The following PTPN3 variants were observed in gnomAD, a reference collection of about 807,000 sequenced individuals.
PTPN3 encodes protein tyrosine phosphatase non-receptor type 3, also known as tyrosine-protein phosphatase non-receptor type 3.
PTPN3 carries 96 observed loss-of-function variants against 132.7 expected under a neutral mutation model. That is an observed-to-expected ratio of 0.72 (90% confidence interval 0.61 to 0.86). The LOEUF is 0.86. Ranked by LOEUF, PTPN3 falls within the 40% of genes least tolerant of loss-of-function variation. The pLI is 0.00. For synonymous variants in PTPN3, 398 were observed against 429.0 expected (o/e 0.93, Z 0.89); for missense variants, 1,125 against 1,159.6 (o/e 0.97, Z 0.43).
the PTPN3 span, among the ~76,000 whole-genome samples, chr9:109,510,497 G>T: frequency 6.7e-6 from 1 of 148,354 alleles, no homozygotes; most frequent in African/African-American, 2.5e-5. Flanking sequence ...GGCAGAGGTT[G>T]CATTGAGCCG....
the PTPN3 span, among the ~76,000 whole-genome samples, chr9:109,525,621 C>T: frequency 6.6e-6 from 1 of 152,194 alleles, no homozygotes; most frequent in African/African-American, 2.4e-5. Context: ...GAATCTTGGC[C>T]TGCCACTCTC....
chr9:109,526,984 T>C, the PTPN3 span, among the ~76,000 whole-genome samples: 143 of 152,266 alleles, frequency 9.4e-4, no homozygotes, highest in African/African-American at 3.3e-3. Flanking sequence ...AAGCTAGATC[T>C]TTCATACCAT....
At chr9:109,530,398 TTTCC>T in the PTPN3 span, among the ~76,000 whole-genome samples, 10 of 152,194 alleles carry the variant, frequency 6.6e-5, no homozygotes, top group African/African-American at 2.4e-4. Context: ...TGTGTCAGAA[TTTCC>T]TTCCTTTTTA....
At chr9:109,390,677 G>A (rs1839996799) in intron 21 of PTPN3, among the ~76,000 whole-genome samples, 1 of 152,126 alleles carries the variant, frequency 6.6e-6, no homozygotes, top group Admixed American at 6.5e-5. Context: ...CGTTTTTAGA[G>A]AGAAAATAAG....
At chr9:109,496,529 TG>T (rs1847676588) in intron 1 of PTPN3, among the ~76,000 whole-genome samples, 2 of 152,272 alleles carry the variant, frequency 1.3e-5, no homozygotes, top group South Asian at 4.1e-4. Flanking sequence ...ATCTGTAAAA[TG>T]GGAGTGACAC....
intron 19 of PTPN3, among the ~76,000 whole-genome samples, chr9:109,398,652 G>A (rs1330768774): frequency 2.0e-5 from 3 of 152,044 alleles, no homozygotes; most frequent in African/African-American, 4.8e-5. Context: ...CCTCATTTTC[G>A]AGCTCTTAAC....
the PTPN3 span, among the ~76,000 whole-genome samples, chr9:109,516,404 A>G: frequency 7.2e-5 from 11 of 152,236 alleles, no homozygotes; most frequent in Non-Finnish European, 1.2e-4. Context: ...TTCAAGGACA[A>G]GATGATACTT....
intron 23 of PTPN3, 61 bp from the exon 24 acceptor site, chr9:109,382,508 C>T: frequency 6.3e-7 from 1 of 1,584,350 alleles, no homozygotes. Flanking sequence ...GGACCCAGCC[C>T]CAACCCAGAC....
At chr9:109,466,088 T>C (rs1399529745) in intron 1 of PTPN3, among the ~76,000 whole-genome samples, 1 of 152,166 alleles carries the variant, frequency 6.6e-6, no homozygotes, top group Non-Finnish European at 1.5e-5. Flanking sequence ...ACTCATGATG[T>C]GTATTTAATA....
At chr9:109,402,060 T>G (rs1346380998) in intron 19 of PTPN3, among the ~76,000 whole-genome samples, 1 of 152,226 alleles carries the variant, frequency 6.6e-6, no homozygotes, top group African/African-American at 2.4e-5. Flanking sequence ...ATCAGGTTCC[T>G]GATCCAGGGG....
chr9:109,418,431 C>T (rs1005111339), intron 14 of PTPN3, among the ~76,000 whole-genome samples: 3 of 152,232 alleles, frequency 2.0e-5, no homozygotes, highest in Admixed American at 6.5e-5. Context: ...AGGCTATCCA[C>T]CTGCCCCATG....
rs1453019002 is a variant in PTPN3, at chr9:109,498,271, G to C, written c.-70C>G. 3.4e-5 allele frequency: 5 copies of C among 146,410 alleles called. No individual in the cohort carries two copies. Among genetic ancestry groups the C allele is most frequent in the Non-Finnish European group, 7.6e-5 (5 of 65,846 alleles). The allele number at this position is 146,410 out of a possible 1,614,324, so 9.1% of individuals were successfully genotyped here. On this transcript the variant is annotated 5_prime_UTR_variant, in exon 1 of 26. Transcript: ENST00000374541. This position sits in a 1 kb window ranked among gnomAD's most constrained non-coding sequence, Gnocchi z 4.2. ...CAGGTAGGTCGCGCGTGCGGGCGGC[G>C]CGGAAGCTCGCTCGCGGCGCGACCT... is the stretch of plus-strand genomic sequence containing the variant.
Position 109,453,254 on chromosome 9 carries a change from A to T in PTPN3, c.368+1242T>A, listed in dbSNP as rs532165312. On this transcript the variant is annotated intron_variant, in intron 5 of 25. Transcript: ENST00000374541. ...ATGTGATGTAATTACTGCTAAAAAAAATTAACAAGGCAACACTCTGTGTCT... is the reference window on the plus strand; with the variant it reads ...ATGTGATGTAATTACTGCTAAAAAATATTAACAAGGCAACACTCTGTGTCT... Among the ~76,000 whole-genome samples the T allele has an allele frequency of 5.3e-5, 8 of 152,350 alleles. No homozygotes were observed. In the South Asian group the frequency reaches 1.7e-3, roughly 32 times the overall value.
At chr9:109,536,932 C>T in the PTPN3 span, among the ~76,000 whole-genome samples, 3 of 152,102 alleles carry the variant, frequency 2.0e-5, no homozygotes, top group African/African-American at 7.2e-5. Flanking sequence ...CTGCCCCTCC[C>T]TTCCCCCCAC....
chr9:109,427,887 C>T (rs1183387392), intron 11 of PTPN3, among the ~76,000 whole-genome samples: 1 of 152,210 alleles, frequency 6.6e-6, no homozygotes, highest in Non-Finnish European at 1.5e-5. Context: ...GTGGAAAGAG[C>T]AGGTGTCTCG....
At chr9:109,399,651 T>G (rs1840899474) in intron 19 of PTPN3, among the ~76,000 whole-genome samples, 1 of 149,124 alleles carries the variant, frequency 6.7e-6, no homozygotes, top group South Asian at 2.1e-4. Flanking sequence ...TAAAGGGAAT[T>G]CCCTTTATGA....
chr9:109,523,116 C>A, the PTPN3 span, among the ~76,000 whole-genome samples: 2 of 140,218 alleles, frequency 1.4e-5, no homozygotes, highest in Non-Finnish European at 3.1e-5. Flanking sequence ...AAATTTATAT[C>A]TTTTTTTTTT....
Position 109,379,649 on chromosome 9 carries a change from A to T in PTPN3, c.2665-16T>A. On this transcript the variant is annotated splice_polypyrimidine_tract_variant and intron_variant, in intron 25 of 25. Transcript: ENST00000374541. ...TGTACTGGCTCTGGAAAAGAAAAAA[A>T]TGCTGTCAAGTCCTGTAGCTCCAGG... 6.2e-7 allele frequency: 1 copy of T among 1,607,804 alleles called. No homozygotes were observed. Among genetic ancestry groups the T allele is most frequent in the South Asian group, 1.1e-5 (1 of 90,942 alleles).
chr9:109,389,645 A>G (rs954078159), intron 21 of PTPN3, among the ~76,000 whole-genome samples: 1 of 152,236 alleles, frequency 6.6e-6, no homozygotes, highest in Admixed American at 6.5e-5. Context: ...ATGGCAGAAG[A>G]GTTTAAATGA....
Sources: gnomAD v4.1 joint callset for allele counts (sites outside exome capture counted in the v4.1 genomes callset) on GRCh38, gnomAD v4.1.1 for gene constraint, Gnocchi (gnomAD v3.1) non-coding constraint, MANE v1.5 for transcripts, NCBI Gene and HGNC (gene_info 2026-07-23, HGNC 2026-07-21) for gene names.